CERS6: variants seen among roughly 807,000 people sequenced by gnomAD.
CERS6 encodes the protein ceramide synthase 6, also known as LAG1 homolog, ceramide synthase 6.
CERS6 carries 26 observed loss-of-function variants against 56.8 expected under a neutral mutation model. The observed-to-expected ratio is 0.46, with a 90% CI of 0.34 to 0.63. CERS6 has a LOEUF of 0.63. Ranked by LOEUF, CERS6 falls within the 30% of genes least tolerant of loss-of-function variation. The pLI is 0.01. For missense variants in CERS6, 415 were observed against 467.5 expected (o/e 0.89, Z 1.04); for synonymous variants, 164 against 173.3 (o/e 0.95, Z 0.42).
intron 8 of CERS6, among the ~76,000 whole-genome samples, chr2:168,763,297 A>G (rs1336186940): frequency 7.9e-6 from 1 of 127,068 alleles, no homozygotes; most frequent in East Asian, 2.5e-4. Flanking sequence ...GCTGGAGTGT[A>G]GTGGTACGAT....
chr2:168,744,082 T>C (rs1447588170), intron 8 of CERS6, among the ~76,000 whole-genome samples: 2 of 143,002 alleles, frequency 1.4e-5, no homozygotes, highest in Non-Finnish European at 3.0e-5. Flanking sequence ...CTGGGCTCAC[T>C]GCAAGCTCCA....
chr2:168,649,132 AG>A (rs1685276960), intron 4 of CERS6, among the ~76,000 whole-genome samples: 1 of 149,514 alleles, frequency 6.7e-6, no homozygotes, highest in African/African-American at 2.6e-5. Flanking sequence ...CGTTAGCTGC[AG>A]CAGCCTTGGG....
chr2:168,752,574 C>T (rs757836174), intron 8 of CERS6, among the ~76,000 whole-genome samples: 5 of 152,278 alleles, frequency 3.3e-5, no homozygotes, highest in African/African-American at 4.8e-5. Flanking sequence ...TGCCTGGTTC[C>T]CTGTGGAAGC....
At position 168,595,064 on chromosome 2, in the gene CERS6, G is replaced by A. The variant is rs977715343; in HGVS notation, c.407+33742G>A. On this transcript the variant is annotated intron_variant, in intron 3 of 9. Coordinates refer to ENST00000305747, the MANE Select transcript of CERS6 (RefSeq NM_203463.3). ...GCAGCTGACTCTTAGGTACAGGAAGGCATCATGAAGGAAAGTGACCATTGT... is the reference window on the plus strand; with the variant it reads ...GCAGCTGACTCTTAGGTACAGGAAGACATCATGAAGGAAAGTGACCATTGT... Among the ~76,000 whole-genome samples, 25 of 152,182 alleles carry A rather than the reference G, an allele frequency of 1.6e-4. 1 individual carries two copies. The highest frequency in any genetic ancestry group is 2.9e-4 in the Non-Finnish European group (20 of 68,042).
At chr2:168,737,079 G>C (rs1559073761) in intron 8 of CERS6, among the ~76,000 whole-genome samples, 1 of 152,186 alleles carries the variant, frequency 6.6e-6, no homozygotes, top group Non-Finnish European at 1.5e-5. Context: ...ATTGCTTCCT[G>C]CTTCTGTCTA....
At chr2:168,567,453 G>A (rs926249877) in intron 3 of CERS6, among the ~76,000 whole-genome samples, 1 of 152,166 alleles carries the variant, frequency 6.6e-6, no homozygotes, top group African/African-American at 2.4e-5. Flanking sequence ...CAGAGATGAT[G>A]CAAATGTGCA....
intron 3 of CERS6, among the ~76,000 whole-genome samples, chr2:168,619,340 A>G (rs1367866249): frequency 6.6e-6 from 1 of 152,218 alleles, no homozygotes; most frequent in African/African-American, 2.4e-5. Flanking sequence ...AAATGCAGAA[A>G]AAACAGAGAA....
intron 1 of CERS6, among the ~76,000 whole-genome samples, chr2:168,513,861 C>G (rs1394929498): frequency 6.6e-6 from 1 of 152,084 alleles, no homozygotes; most frequent in East Asian, 1.9e-4. Context: ...GGAGCCGGAC[C>G]AGAGCTAGGG....
intron 1 of CERS6, among the ~76,000 whole-genome samples, chr2:168,500,259 A>G (rs1187938178): frequency 2.0e-5 from 3 of 152,234 alleles, no homozygotes; most frequent in African/African-American, 7.2e-5. Flanking sequence ...TCTACCCAGT[A>G]GTTCATAGAT....
intron 9 of CERS6, among the ~76,000 whole-genome samples, chr2:168,768,232 T>C (rs1684770619): frequency 6.6e-6 from 1 of 151,224 alleles, no homozygotes; most frequent in Non-Finnish European, 1.5e-5. Context: ...TTGTTTTGTT[T>C]TGTTTTGTTT....
At chr2:168,470,457 A>C (rs2105324247) in intron 1 of CERS6, among the ~76,000 whole-genome samples, 1 of 152,194 alleles carries the variant, frequency 6.6e-6, no homozygotes, top group Non-Finnish European at 1.5e-5. Context: ...GCCACATTTC[A>C]TGGCTTTTTA....
intron 1 of CERS6, among the ~76,000 whole-genome samples, chr2:168,484,409 G>A (rs549480369): frequency 1.3e-4 from 20 of 151,652 alleles, no homozygotes; most frequent in Non-Finnish European, 2.7e-4. Flanking sequence ...TCGAACTCCC[G>A]ACCTCAGGTG....
At chr2:168,735,433 T>C (rs190373004) in intron 8 of CERS6, among the ~76,000 whole-genome samples, 40 of 152,324 alleles carry the variant, frequency 2.6e-4, no homozygotes, top group African/African-American at 7.9e-4. Flanking sequence ...AGGGTGTGAT[T>C]GACACCCTAA....
Position 168,720,046 on chromosome 2 carries a change from C to T in CERS6, c.845+2068C>T, listed in dbSNP as rs1200733233. On this transcript the variant is annotated intron_variant, in intron 8 of 9. Transcript: ENST00000305747. ...TGCCTCCCAGGTTCAAGTGATTCTT[C>T]GGCCTCAAGTAGCTGAGACTACAGC... Among the ~76,000 whole-genome samples, 3 of 150,338 alleles carry T rather than the reference C, an allele frequency of 2.0e-5. No homozygotes were observed. In the East Asian group the frequency reaches 5.9e-4, roughly 29 times the overall value.
At chr2:168,580,639 C>A (rs1683387026) in intron 3 of CERS6, among the ~76,000 whole-genome samples, 1 of 152,112 alleles carries the variant, frequency 6.6e-6, no homozygotes. Flanking sequence ...TGTACCCAGA[C>A]CTTCCATTTG....
chr2:168,580,560 A>G (rs1457626379), intron 3 of CERS6, among the ~76,000 whole-genome samples: 3 of 152,294 alleles, frequency 2.0e-5, no homozygotes, highest in South Asian at 2.1e-4. Flanking sequence ...TATTAACCTT[A>G]AACAACAGAG....
Position 168,718,087 on chromosome 2 carries a change from G to C in CERS6, c.845+109G>C, listed in dbSNP as rs890487990. The C allele has an allele frequency of 5.7e-5, 41 of 714,838 alleles. No homozygotes were observed. The South Asian group carries it at 7.4e-4, about 13-fold the overall frequency. 44.3% of individuals were successfully genotyped at this position (714,838 alleles called of 1,614,324 possible). A position where few individuals can be genotyped will look rare whatever the true frequency, so the allele number is the denominator to read the frequency against. ...AGTATTTACAGGTTTAAATATATTG[G>C]GGGGGAGGGGAAATACCTCAAGAAG... On this transcript the variant is annotated intron_variant, in intron 8 of 9. Coordinates refer to ENST00000305747, the MANE Select transcript of CERS6 (RefSeq NM_203463.3).
At chr2:168,629,300 T>C (rs1217448011) in intron 3 of CERS6, among the ~76,000 whole-genome samples, 1 of 152,164 alleles carries the variant, frequency 6.6e-6, no homozygotes, top group African/African-American at 2.4e-5. Flanking sequence ...GAAACAGCTG[T>C]TATAAATAAC....
Position 168,752,064 on chromosome 2 carries a change from G to C in CERS6, c.846-13528G>C, listed in dbSNP as rs1208787933. 2.6e-5 allele frequency among the ~76,000 whole-genome samples: 4 copies of C among 152,228 alleles called. No homozygotes were observed. In the East Asian group the frequency reaches 5.8e-4, roughly 22 times the overall value. On this transcript the variant is annotated intron_variant, in intron 8 of 9. Transcript: ENST00000305747. ...CTCAGGGATACAATTGCATTGGTTA[G>C]GGAGGGAGTACCCAGATATCTTCAT...
Sources: gnomAD v4.1 joint callset for allele counts (sites outside exome capture counted in the v4.1 genomes callset) on GRCh38, gnomAD v4.1.1 for gene constraint, MANE v1.5 for transcripts, NCBI Gene and HGNC (gene_info 2026-07-23, HGNC 2026-07-21) for gene names.